Variants in RIN2 observed in about 807,000 individuals in gnomAD.
RIN2 encodes RAB5 interacting protein 2.
A neutral mutation model predicts 78.0 loss-of-function variants in RIN2; 36 were observed. The ratio of observed to expected loss-of-function variants is 0.46; its 90% confidence interval spans 0.35 to 0.61. The LOEUF is 0.61. Among genes scored for constraint, RIN2 ranks in the 20% least tolerant of loss-of-function variants. The pLI is 0.00. For missense variants in RIN2, 1,087 were observed against 1,159.7 expected, an observed-to-expected ratio of 0.94 and a Z score of 0.91; for synonymous variants, 466 against 466.8, an observed-to-expected ratio of 1.00 and a Z score of 0.02.
At chr20:19,865,145 C>A (rs1260942836) in intron 2 of RIN2, among the ~76,000 whole-genome samples, 1 of 152,128 alleles carries the variant, frequency 6.6e-6, no homozygotes, top group African/African-American at 2.4e-5. Context: ...ATACTCCAAC[C>A]ATAATCATCT....
At chr20:19,871,648 G>A (rs2037693065) in intron 2 of RIN2, among the ~76,000 whole-genome samples, 2 of 152,164 alleles carry the variant, frequency 1.3e-5, no homozygotes, top group Non-Finnish European at 2.9e-5. Context: ...ATTGCCACGT[G>A]TCAAAATACT....
At chr20:19,943,974 CCTTT>C (rs1191630298) in intron 4 of RIN2, among the ~76,000 whole-genome samples, 2 of 130,052 alleles carry the variant, frequency 1.5e-5, no homozygotes, top group African/African-American at 5.9e-5. Flanking sequence ...ATTTCAATAT[CCTTT>C]TTTTTTTTTT....
chr20:19,893,931 G>A (rs909342917), intron 3 of RIN2, among the ~76,000 whole-genome samples: 2 of 152,140 alleles, frequency 1.3e-5, no homozygotes, highest in African/African-American at 4.8e-5. Flanking sequence ...AATTAGCCAG[G>A]TGTGATGATG....
chr20:19,847,657 A>G (rs1013223133), intron 2 of RIN2, among the ~76,000 whole-genome samples: 5 of 152,214 alleles, frequency 3.3e-5, no homozygotes, highest in Non-Finnish European at 5.9e-5. Context: ...ATTTAGAAAC[A>G]TAATGAAAAA....
chr20:19,829,174 T>C (rs1049422090), intron 2 of RIN2, among the ~76,000 whole-genome samples: 2 of 152,084 alleles, frequency 1.3e-5, no homozygotes, highest in African/African-American at 4.8e-5. Flanking sequence ...TTCTGATTGA[T>C]TGGGTTCTTG....
chr20:19,861,090 G>T (rs1223752403), intron 2 of RIN2, among the ~76,000 whole-genome samples: 1 of 152,140 alleles, frequency 6.6e-6, no homozygotes, highest in East Asian at 1.9e-4. Context: ...ACTTTATGAG[G>T]TAGAAAATAT....
At chr20:19,906,464 T>C (rs1429772813) in intron 3 of RIN2, among the ~76,000 whole-genome samples, 1 of 151,796 alleles carries the variant, frequency 6.6e-6, no homozygotes, top group South Asian at 2.1e-4. Context: ...AAGAAAAAAA[T>C]AGCAGGAATG....
intron 7 of RIN2, among the ~76,000 whole-genome samples, chr20:19,967,428 A>AT (rs1378653905): frequency 6.6e-6 from 1 of 152,186 alleles, no homozygotes; most frequent in African/African-American, 2.4e-5. Flanking sequence ...TATTTGTGAC[A>AT]TTTTTTAGTT....
chr20:19,841,278 C>T (rs577710796), intron 2 of RIN2, among the ~76,000 whole-genome samples: 53 of 151,872 alleles, frequency 3.5e-4, no homozygotes, highest in Non-Finnish European at 6.5e-4. Context: ...CCACCACACT[C>T]GGTGAAGGGT....
chr20:19,903,396 G>GT (rs2039074133), intron 3 of RIN2, among the ~76,000 whole-genome samples: 1 of 152,176 alleles, frequency 6.6e-6, no homozygotes, highest in Non-Finnish European at 1.5e-5. Context: ...GCCTTGAATA[G>GT]TTGGTGTTTA....
intron 2 of RIN2, among the ~76,000 whole-genome samples, chr20:19,847,551 C>CT (rs2036826169): frequency 6.6e-6 from 1 of 152,064 alleles, no homozygotes; most frequent in Non-Finnish European, 1.5e-5. Context: ...AAGTGTGGCA[C>CT]CCAGCACAGT....
At chr20:19,828,971 G>A (rs1461460811) in intron 2 of RIN2, among the ~76,000 whole-genome samples, 1 of 152,172 alleles carries the variant, frequency 6.6e-6, no homozygotes, top group Non-Finnish European at 1.5e-5. Context: ...GGAAGGAAAG[G>A]AAAAGCCAGG....
intron 2 of RIN2, chr20:19,823,669 C>T (rs2035994929): frequency 6.3e-7 from 1 of 1,579,846 alleles, no homozygotes; most frequent in Admixed American, 1.7e-5. Context: ...CTGTTTCTTT[C>T]TGTCTCTTGG....
chr20:19,796,287 C>A (rs1034153022), intron 1 of RIN2, among the ~76,000 whole-genome samples: 2 of 152,152 alleles, frequency 1.3e-5, no homozygotes, highest in Non-Finnish European at 2.9e-5. Flanking sequence ...TTTGGAATGT[C>A]TGAAATCCAG....
intron 1 of RIN2, among the ~76,000 whole-genome samples, chr20:19,786,264 A>G (rs2034674197): frequency 6.6e-6 from 1 of 152,176 alleles, no homozygotes; most frequent in African/African-American, 2.4e-5. Flanking sequence ...GGAAAGAAAA[A>G]GATAGTGCAA....
chr20:19,905,608 A>G (rs1372185031), intron 3 of RIN2, among the ~76,000 whole-genome samples: 1 of 152,182 alleles, frequency 6.6e-6, no homozygotes, highest in East Asian at 1.9e-4. Flanking sequence ...GGAGCTGGGC[A>G]TGGTAGCGTG....
intron 3 of RIN2, among the ~76,000 whole-genome samples, chr20:19,930,206 G>A (rs2040388383): frequency 6.6e-6 from 1 of 152,234 alleles, no homozygotes; most frequent in Non-Finnish European, 1.5e-5. Flanking sequence ...GTGCCTTGGG[G>A]TCATGGTGCC....
At chr20:19,813,780 A>C (rs990444082) in intron 2 of RIN2, among the ~76,000 whole-genome samples, 4 of 152,252 alleles carry the variant, frequency 2.6e-5, no homozygotes, top group Non-Finnish European at 5.9e-5. Context: ...AATGTCCCAC[A>C]TGATTAATTG....
chr20:19,842,092 T>C (rs775117092), intron 2 of RIN2, among the ~76,000 whole-genome samples: 1 of 152,236 alleles, frequency 6.6e-6, no homozygotes, highest in Non-Finnish European at 1.5e-5. Flanking sequence ...CCAATATTCA[T>C]TTATCATTCC....
Sources: allele counts gnomAD v4.1 joint callset (sites outside exome capture counted in the v4.1 genomes callset), GRCh38; gene constraint gnomAD v4.1.1; transcripts MANE v1.5; gene names NCBI Gene and HGNC (gene_info 2026-07-23, HGNC 2026-07-21).